Variants in DAAM1 observed in about 807,000 individuals in gnomAD.
DAAM1 encodes dishevelled associated activator of morphogenesis 1.
In DAAM1, 52 loss-of-function variants were observed where a neutral mutation model predicts 130.0. The observed-to-expected ratio is 0.40, with a 90% CI of 0.32 to 0.50. The LOEUF (loss-of-function observed/expected upper bound fraction) is 0.50, where lower values mean the gene tolerates loss of function less well. DAAM1 is among the 20% of genes least tolerant of loss of function. The probability of loss-of-function intolerance (pLI) is 0.61; values close to 1 mark genes in which losing one functional copy is unlikely to be tolerated. For missense variants in DAAM1, 1,134 were observed against 1,303.8 expected (o/e 0.87, Z 2.01); for synonymous variants, 452 against 444.5 (o/e 1.02, Z -0.21).
rs76446655 is a variant in DAAM1, at chr14:59,342,981, C to T, written c.2075+2801C>T. ...TTGAATGAAACCAGGCAGGAGAGCCCGAAATTCAGGCATTGTGCATTTATA... is the reference window on the plus strand; with the variant it reads ...TTGAATGAAACCAGGCAGGAGAGCCTGAAATTCAGGCATTGTGCATTTATA... On this transcript the variant is annotated intron_variant, in intron 16 of 24. Coordinates refer to ENST00000360909, the MANE Select transcript of DAAM1 (RefSeq NM_001270520.2). 5.2e-3 allele frequency among the ~76,000 whole-genome samples: 784 copies of T among 152,202 alleles called. 12 individuals are homozygous for T. The highest frequency in any genetic ancestry group is 0.018 in the African/African-American group (754 of 41,528).
chr14:59,197,019 C>T, intron 1 of DAAM1, among the ~76,000 whole-genome samples: 1 of 152,100 alleles, frequency 6.6e-6, no homozygotes. Context: ...CTTCCAGGTT[C>T]CCGCCATTCT....
chr14:59,347,676 GAGAGGGATGTTGAGA>G (rs1248092832), intron 17 of DAAM1, 53 bp downstream of exon 17: 19 of 1,551,518 alleles, frequency 1.2e-5, no homozygotes, highest in Non-Finnish European at 1.6e-5. Flanking sequence ...CATCAACAGG[GAGAGGGATGTTGAGA>G]ACATCCGGTT....
chr14:59,215,338 C>G (rs953312534), intron 1 of DAAM1, among the ~76,000 whole-genome samples: 3 of 152,232 alleles, frequency 2.0e-5, no homozygotes, highest in Admixed American at 1.3e-4. Flanking sequence ...GGAACATGTG[C>G]TTGGTGTATG....
intron 22 of DAAM1, among the ~76,000 whole-genome samples, chr14:59,361,118 C>G (rs2139683715): frequency 6.6e-6 from 1 of 152,284 alleles, no homozygotes; most frequent in East Asian, 1.9e-4. Flanking sequence ...ACCAATTTAT[C>G]TGTAAGGCAG....
At chr14:59,313,884 T>C (rs1407991774) in intron 3 of DAAM1, among the ~76,000 whole-genome samples, 1 of 152,272 alleles carries the variant, frequency 6.6e-6, no homozygotes, top group Non-Finnish European at 1.5e-5. Flanking sequence ...AAGCCTCTGC[T>C]GTAGCCTTAG....
chr14:59,191,860 C>T (rs1424712233), intron 1 of DAAM1, among the ~76,000 whole-genome samples: 1 of 152,176 alleles, frequency 6.6e-6, no homozygotes, highest in African/African-American at 2.4e-5. Context: ...CAATAGTCCT[C>T]TCACCTGAGG....
chr14:59,191,213 C>G (rs539068336), intron 1 of DAAM1, among the ~76,000 whole-genome samples: 1 of 152,094 alleles, frequency 6.6e-6, no homozygotes, highest in Non-Finnish European at 1.5e-5. Context: ...GTGGTTGACA[C>G]TTACGATCTT....
At position 59,264,280 on chromosome 14, in the gene DAAM1, A is replaced by G. The variant is rs185125849; in HGVS notation, c.183+620A>G. On this transcript the variant is annotated intron_variant, in intron 2 of 24. Coordinates refer to ENST00000360909, the MANE Select transcript of DAAM1 (RefSeq NM_001270520.2). ...CATCTAGTGCAGGACCCATTCATCA[A>G]GAGATGTAAGTACATTCTTCAGCTT... is the stretch of plus-strand genomic sequence containing the variant. 4.0e-3 allele frequency: 616 copies of G among 155,058 alleles called. 3 individuals carry two copies. Among genetic ancestry groups the G allele is most frequent in the Middle Eastern group, 6.8e-3 (2 of 294 alleles). The allele number at this position is 155,058 out of a possible 1,614,324, so 9.6% of individuals were successfully genotyped here. A position where few individuals can be genotyped will look rare whatever the true frequency, so the allele number is the denominator to read the frequency against.
chr14:59,191,694 T>G (rs1168380858), intron 1 of DAAM1, among the ~76,000 whole-genome samples: 2 of 152,218 alleles, frequency 1.3e-5, no homozygotes, highest in Non-Finnish European at 2.9e-5. Flanking sequence ...TTATTACCCC[T>G]GAACCAGGCA....
At chr14:59,237,597 A>G (rs1414453251) in intron 1 of DAAM1, among the ~76,000 whole-genome samples, 1 of 152,210 alleles carries the variant, frequency 6.6e-6, no homozygotes, top group Non-Finnish European at 1.5e-5. Flanking sequence ...TATTTACGCT[A>G]TTGGGCCTAC....
intron 5 of DAAM1, 84 bp from the exon 6 acceptor site, chr14:59,322,808 T>C (rs1885063854): frequency 7.1e-6 from 8 of 1,130,600 alleles, no homozygotes; most frequent in Non-Finnish European, 1.0e-5. Context: ...AAATCTTTCT[T>C]TCCCCTGCCC....
At chr14:59,325,826 C>T (rs1293048210) in intron 9 of DAAM1, 96 bp downstream of exon 9, 4 of 1,537,024 alleles carry the variant, frequency 2.6e-6, no homozygotes, top group East Asian at 4.5e-5. Flanking sequence ...TTTAGGGCAA[C>T]CTAAAAGCAA....
At chr14:59,319,660 C>T (rs1884929850) in intron 4 of DAAM1, among the ~76,000 whole-genome samples, 1 of 152,102 alleles carries the variant, frequency 6.6e-6, no homozygotes, top group Non-Finnish European at 1.5e-5. Flanking sequence ...TTTAGTGCAA[C>T]CAGGTGATCA....
chr14:59,321,000 A>G (rs1249535524), intron 5 of DAAM1, among the ~76,000 whole-genome samples: 1 of 152,196 alleles, frequency 6.6e-6, no homozygotes, highest in Non-Finnish European at 1.5e-5. Flanking sequence ...TCCCAAAAAC[A>G]TGTATGCAGA....
Position 59,324,467 on chromosome 14 carries a change from A to C in DAAM1, c.989+13A>C, listed in dbSNP as rs1885133718. On this transcript the variant is annotated intron_variant, in intron 8 of 24. Transcript: ENST00000360909. ...CAACATTAGATAGGTAAGTCAGACT[A>C]TTATGATGTGAGAAAGTTTCTGTGT... The C allele has an allele frequency of 6.6e-7, 1 of 1,513,380 alleles. No homozygotes were observed. Among genetic ancestry groups the C allele is most frequent in the Non-Finnish European group, 8.9e-7 (1 of 1,121,836 alleles). The allele number at this position is 1,513,380 out of a possible 1,614,324, so 93.7% of individuals were successfully genotyped here. A position where few individuals can be genotyped will look rare whatever the true frequency, so the allele number is the denominator to read the frequency against.
chr14:59,304,440 AC>A (rs1884300839), intron 3 of DAAM1, among the ~76,000 whole-genome samples: 1 of 152,178 alleles, frequency 6.6e-6, no homozygotes, highest in Non-Finnish European at 1.5e-5. Context: ...CACTTTAGGA[AC>A]CTGGTAACTT....
intron 15 of DAAM1, among the ~76,000 whole-genome samples, chr14:59,332,539 G>A (rs1885483492): frequency 6.6e-6 from 1 of 152,170 alleles, no homozygotes; most frequent in Non-Finnish European, 1.5e-5. Flanking sequence ...TGTAATAGTA[G>A]CAAAAACATG....
chr14:59,317,507 T>A (rs1461547353), intron 4 of DAAM1, among the ~76,000 whole-genome samples: 1 of 152,192 alleles, frequency 6.6e-6, no homozygotes, highest in Non-Finnish European at 1.5e-5. Context: ...ACACAAGTTC[T>A]CCAAATCCTT....
At chr14:59,347,390 T>G in intron 16 of DAAM1, 149 bp from the exon 17 acceptor site, 1 of 702,100 alleles carries the variant, frequency 1.4e-6, no homozygotes, top group Middle Eastern at 4.0e-4. Context: ...AGTCCTATTT[T>G]TAGGTGCAAT....
Sources: gnomAD v4.1 joint callset for allele counts (sites outside exome capture counted in the v4.1 genomes callset) on GRCh38, gnomAD v4.1.1 for gene constraint, MANE v1.5 for transcripts, NCBI Gene and HGNC (gene_info 2026-07-23, HGNC 2026-07-21) for gene names.